The following RHBDD3 variants were observed in gnomAD, a reference collection of about 807,000 sequenced individuals.
The protein encoded by RHBDD3 is rhomboid domain-containing protein 3.
A neutral mutation model predicts 32.3 loss-of-function variants in RHBDD3; 34 were observed. That is an observed-to-expected ratio of 1.05 (90% CI 0.80 to 1.40). The LOEUF (loss-of-function observed/expected upper bound fraction) is 1.40, where lower values mean the gene tolerates loss of function less well. Ranked by LOEUF, RHBDD3 falls within the 40% of genes most tolerant of loss-of-function variation. RHBDD3 has a pLI of 0.00. For missense variants in RHBDD3, 482 were observed against 492.6 expected, an observed-to-expected ratio of 0.98 and a Z score of 0.20; for synonymous variants, 249 against 239.1, an observed-to-expected ratio of 1.04 and a Z score of -0.38.
Position 29,263,976 on chromosome 22 carries a change from C to T in RHBDD3, c.391G>A (p.Gly131Arg). The T allele has an allele frequency of 1.9e-6, 3 of 1,551,460 alleles. No individual in the cohort carries two copies. Among genetic ancestry groups the T allele is most frequent in the Non-Finnish European group, 2.6e-6 (3 of 1,147,460 alleles). Residue 131 changes from glycine (G) to arginine (R), a missense_variant, in exon 4 of 7, where the codon GGG becomes AGG. By Grantham distance (125) the Gly-to-Arg change is moderately radical. Transcript: ENST00000216085. ...YMPVHLAMLA[G>R]EGHRPRRPRG... is the part of the protein sequence containing the mutation. The stretch of plus-strand genomic sequence containing the variant: ...GGCCGTCTAGGGCGGTGTCCCTCCC[C>T]AGCCAGCATGGCCAGGTGGACAGGC...
chr22:29,262,745 C>T (rs4505624), intron 4 of RHBDD3, among the ~76,000 whole-genome samples: 7,718 of 152,302 alleles, frequency 0.051, 283 homozygotes, highest in African/African-American at 0.1. Context: ...CTCGCTCTCT[C>T]GCCCAGGCTG....
rs2058101248 is a variant in RHBDD3, at chr22:29,260,550, T to G, written c.759A>C (p.Ser253=). ...GCCTCAGGCTTGGTGGGGGCAGGGC[T>G]GAGTCTTCCCAGTGGGACCAGAGGT... ...SPDLWSHWED[S]ALPPPSLRPV... Residue 253 remains serine, a synonymous_variant, in exon 6 of 7, where the codon TCA becomes TCC. Transcript: ENST00000216085. 6.3e-7 allele frequency: 1 copy of G among 1,598,954 alleles called. No individual in the cohort carries two copies. Among genetic ancestry groups the G allele is most frequent in the African/African-American group, 1.3e-5 (1 of 74,972 alleles).
chr22:29,267,353 G>A (rs921745157), intron 2 of RHBDD3, 73 bp downstream of exon 2: 1 of 152,792 alleles, frequency 6.5e-6, no homozygotes, highest in Non-Finnish European at 1.5e-5. Context: ...ACTCGGAACT[G>A]GGACTTGAGC....
At position 29,260,241 on chromosome 22, in the gene RHBDD3, T is replaced by A. The variant is rs372858569; in HGVS notation, c.984-4A>T. On this transcript the variant is annotated splice_polypyrimidine_tract_variant and splice_region_variant and intron_variant, in intron 6 of 6. Transcript: ENST00000216085. ...CATGCGCTCCAGCTGCTGCAGCCTGTTGGGGGTGGGGGGAGAAGTGGGGAG... is the reference window on the plus strand; with the variant it reads ...CATGCGCTCCAGCTGCTGCAGCCTGATGGGGGTGGGGGGAGAAGTGGGGAG... The A allele has an allele frequency of 1.6e-5, 25 of 1,601,844 alleles. No individual in the cohort carries two copies. Among genetic ancestry groups the A allele is most frequent in the Non-Finnish European group, 2.1e-5 (25 of 1,175,034 alleles).
intron 4 of RHBDD3, 52 bp from the exon 5 acceptor site, chr22:29,260,916 G>A (rs141666277): frequency 0.012 from 17,102 of 1,485,028 alleles, 162 homozygotes; most frequent in South Asian, 0.036. Context: ...AGCAGCCAGG[G>A]GTGGGCCCAC....
chr22:29,260,140 CAA>C lies in RHBDD3; in HGVS notation c.1079_1080del (p.Val360GlyfsTer7). 6.3e-7 allele frequency: 1 copy of C among 1,588,772 alleles called. No individual in the cohort carries two copies. The highest frequency in any genetic ancestry group is 8.6e-7 in the Non-Finnish European group (1 of 1,167,856). On this transcript the variant is annotated frameshift_variant, in exon 7 of 7. Coordinates refer to ENST00000216085, the MANE Select transcript of RHBDD3 (RefSeq NM_012265.3). LOFTEE classifies it high-confidence loss of function. Reference protein sequence around the residue: ...GRVEGAVSLLVGGQVGTETLV... With the variant: ...GRVEGAVSLLXGGQVGTETLV... The stretch of plus-strand genomic sequence containing the variant: ...AGGGTCTCAGTGCCCACTTGTCCTC[CAA>C]CCAACAGTGACACGGCACCCTCCAC...
Position 29,263,015 on chromosome 22 carries a change from A to T in RHBDD3, c.532+820T>A, listed in dbSNP as rs566665955. On this transcript the variant is annotated intron_variant, in intron 4 of 6. Coordinates refer to ENST00000216085, the MANE Select transcript of RHBDD3 (RefSeq NM_012265.3). ...CTCAGTCTCCCAAGTAGCTGGGACTATAGGCGCCTGCCACCACGCCTGGCT... is the reference window on the plus strand; with the variant it reads ...CTCAGTCTCCCAAGTAGCTGGGACTTTAGGCGCCTGCCACCACGCCTGGCT... Among the ~76,000 whole-genome samples the T allele has an allele frequency of 7.8e-4, 119 of 151,840 alleles. 2 individuals are homozygous for T. In the East Asian group the frequency reaches 0.017, roughly 22 times the overall value.
At position 29,260,829 on chromosome 22, in the gene RHBDD3, C is replaced by G. The variant is rs1249120996; in HGVS notation, c.568G>C (p.Glu190Gln). 6.2e-7 allele frequency: 1 copy of G among 1,603,494 alleles called. No homozygotes were observed. The highest frequency in any genetic ancestry group is 1.3e-5 in the African/African-American group (1 of 74,752). Residue 190 changes from glutamate (E) to glutamine (Q), a missense_variant, in exon 5 of 7, where the codon GAG (glutamate) becomes CAG (glutamine). Physicochemically the swap from Glu to Gln is conservative, Grantham distance 29. Coordinates refer to ENST00000216085, the MANE Select transcript of RHBDD3 (RefSeq NM_012265.3). ...AGAFRWLEPSERRLQVLQEGV... is the reference protein window; with the variant it reads ...AGAFRWLEPSQRRLQVLQEGV... ...TCCTGCAGCACCTGCAGCCGTCGCT[C>G]TGAGGGTTCCAGCCACCGGAAGGCC...
chr22:29,264,281 T>C (rs565777959), intron 3 of RHBDD3, 63 bp from the exon 4 acceptor site: 4 of 1,456,858 alleles, frequency 2.7e-6, no homozygotes, highest in African/African-American at 2.8e-5. Flanking sequence ...CTGTCCCAGG[T>C]GTGCCAGGTT....
chr22:29,260,181 G>A lies in RHBDD3; in HGVS notation c.1040C>T (p.Ala347Val), dbSNP rs1247932476. ...GGCACCCTCCACACGGCCTGTGGCTGCCAGTGCCACCACCGCCTGCTCCGT... is the reference window on the plus strand; with the variant it reads ...GGCACCCTCCACACGGCCTGTGGCTACCAGTGCCACCACCGCCTGCTCCGT... ...FPTEQAVVAL[A>V]ATGRVEGAVS... The change falls in exon 7 of 7, where the codon GCA becomes GTA. Residue 347 changes from alanine (A) to valine (V), a missense_variant. Coordinates refer to ENST00000216085, the MANE Select transcript of RHBDD3 (RefSeq NM_012265.3). 1.3e-6 allele frequency: 2 copies of A among 1,591,252 alleles called. No individual in the cohort carries two copies. The highest frequency in any genetic ancestry group is 1.8e-5 in the Admixed American group (1 of 56,550).
rs2058149100 is a variant in RHBDD3 at position 29,263,986 on chromosome 22, G to A, written c.381C>T (p.Ala127=). 1 of 1,551,976 alleles carries A rather than the reference G, an allele frequency of 6.4e-7. No homozygotes were observed. Among genetic ancestry groups the A allele is most frequent in the Non-Finnish European group, 8.7e-7 (1 of 1,147,714 alleles). The change falls in exon 4 of 7, where the codon GCC becomes GCT. Residue 127 remains alanine, a synonymous_variant. Coordinates refer to ENST00000216085, the MANE Select transcript of RHBDD3 (RefSeq NM_012265.3). ...GSCGYMPVHL[A]MLAGEGHRPR... ...GGCGGTGTCCCTCCCCAGCCAGCAT[G>A]GCCAGGTGGACAGGCATGTATCCAC...
At chr22:29,262,979 G>A (rs1193729912) in intron 4 of RHBDD3, among the ~76,000 whole-genome samples, 1 of 146,904 alleles carries the variant, frequency 6.8e-6, no homozygotes, top group African/African-American at 2.5e-5. Context: ...AGGTTCAAGT[G>A]ATTCTCCTGT....
At chr22:29,265,440 T>A (rs1006988274) in intron 3 of RHBDD3, 39 bp downstream of exon 3, 4 of 1,470,362 alleles carry the variant, frequency 2.7e-6, no homozygotes, top group Admixed American at 2.7e-5. Context: ...CTACAGCAAG[T>A]CTCCTGCTTC....
At chr22:29,260,912 C>A in intron 4 of RHBDD3, 48 bp from the exon 5 acceptor site, 1 of 1,491,292 alleles carries the variant, frequency 6.7e-7, no homozygotes, top group African/African-American at 1.4e-5. Flanking sequence ...CAAAAGCAGC[C>A]AGGGGTGGGC....
rs375655222 is a variant in RHBDD3, at chr22:29,260,235, A to G, written c.986T>C (p.Leu329Pro). Residue 329 changes from leucine to proline, a missense_variant and splice_region_variant, in exon 7 of 7, where the codon CTG becomes CCG. Transcript: ENST00000216085. The part of the protein sequence containing the change: ...LSKSSVSSLR[L>P]QQLERMGFPT... ...GAAGCCCATGCGCTCCAGCTGCTGC[A>G]GCCTGTTGGGGGTGGGGGGAGAAGT... The G allele has an allele frequency of 8.1e-6, 13 of 1,601,546 alleles. No homozygotes were observed. In the African/African-American group the frequency reaches 1.7e-4, roughly 21 times the overall value.
intron 2 of RHBDD3, among the ~76,000 whole-genome samples, chr22:29,266,535 G>A (rs2058188224): frequency 1.3e-5 from 2 of 152,118 alleles, no homozygotes; most frequent in South Asian, 4.1e-4. Context: ...GCCACCAACT[G>A]GCCCATCGAG....
At chr22:29,266,720 GGACTCCCAC>G (rs1212627114) in intron 2 of RHBDD3, among the ~76,000 whole-genome samples, 1 of 152,214 alleles carries the variant, frequency 6.6e-6, no homozygotes, top group African/African-American at 2.4e-5. Context: ...CTCGGTCCCA[GGACTCCCAC>G]TGAGCTGATT....
intron 4 of RHBDD3, chr22:29,261,363 G>A: frequency 2.2e-6 from 1 of 464,970 alleles, no homozygotes; most frequent in Middle Eastern, 3.3e-4. Context: ...TGGGGAGGCT[G>A]AGACGGGAGG....
In RHBDD3 at chr22:29,265,581, GAGGC is replaced by G; in HGVS notation, c.42_45del (p.Pro15TrpfsTer6). ...AGCAGCATCAGGACTGAGGAGGCCA[GAGGC>G]AGTGCTGGGGACAGTTGGCCATGGG... On this transcript the variant is annotated frameshift_variant, in exon 3 of 7. Transcript: ENST00000216085. LOFTEE classifies it high-confidence loss of function. The G allele has an allele frequency of 6.3e-7, 1 of 1,592,890 alleles. No individual in the cohort carries two copies. Among genetic ancestry groups the G allele is most frequent in the South Asian group, 1.1e-5 (1 of 88,244 alleles).
Sources: allele counts gnomAD v4.1 joint callset (sites outside exome capture counted in the v4.1 genomes callset), GRCh38; gene constraint gnomAD v4.1.1; transcripts MANE v1.5; gene names NCBI Gene and HGNC (gene_info 2026-07-23, HGNC 2026-07-21).